The following CNNM2 variants were observed in gnomAD, a reference collection of about 807,000 sequenced individuals.
CNNM2 encodes the protein metal transporter CNNM2.
Under a neutral mutation model 66.9 loss-of-function variants are expected in CNNM2, and 12 were observed. The ratio of observed to expected loss-of-function variants is 0.18; its 90% CI spans 0.11 to 0.29. The LOEUF (loss-of-function observed/expected upper bound fraction) is 0.29. CNNM2 is among the 10% of genes least tolerant of loss of function. The pLI is 1.00. For synonymous variants in CNNM2, 557 were observed against 501.8 expected (o/e 1.11, Z -1.47); for missense variants, 705 against 1,167.7 (o/e 0.60, Z 5.77).
rs1164571881 is a variant in CNNM2 at position 103,034,985 on chromosome 10, A to AT, written c.1622-14722_1622-14721insT. Among the ~76,000 whole-genome samples the AT allele has an allele frequency of 1.1e-4, 16 of 147,714 alleles. 1 individual carries two copies. The highest frequency in any genetic ancestry group is 1.4e-4 in the Admixed American group (2 of 14,672). Reference sequence around the variant, plus strand: ...GAGACTCCGTCTCAAAAAAAAAAAAAAAAAATCTCCTACTATTGGCTGGGC... The same window carrying AT: ...GAGACTCCGTCTCAAAAAAAAAAAAATAAAAATCTCCTACTATTGGCTGGGC... On this transcript the variant is annotated intron_variant, in intron 1 of 7. Transcript: ENST00000369878.
At chr10:102,967,940 G>A (rs986571924) in intron 1 of CNNM2, among the ~76,000 whole-genome samples, 4 of 152,174 alleles carry the variant, frequency 2.6e-5, no homozygotes, top group African/African-American at 7.2e-5. Flanking sequence ...CCTGGGAGGC[G>A]GAGGTGGCAA....
intron 1 of CNNM2, among the ~76,000 whole-genome samples, chr10:102,923,733 G>A (rs1564806867): frequency 6.6e-6 from 1 of 152,148 alleles, no homozygotes; most frequent in South Asian, 2.1e-4. Flanking sequence ...TAAGTCTAAA[G>A]AATTGTGTTG....
chr10:102,922,297 A>C (rs1261833395), intron 1 of CNNM2, among the ~76,000 whole-genome samples: 1 of 151,596 alleles, frequency 6.6e-6, no homozygotes, highest in Non-Finnish European at 1.5e-5. Context: ...AACTATGGGA[A>C]TAATTGATTT....
intron 1 of CNNM2, among the ~76,000 whole-genome samples, chr10:103,041,934 T>C (rs1270743849): frequency 6.6e-6 from 1 of 152,214 alleles, no homozygotes; most frequent in African/African-American, 2.4e-5. Context: ...GGTTTCTGGC[T>C]CTGCTACCAT....
At chr10:103,014,212 C>T (rs1461785854) in intron 1 of CNNM2, among the ~76,000 whole-genome samples, 1 of 152,134 alleles carries the variant, frequency 6.6e-6, no homozygotes, top group Non-Finnish European at 1.5e-5. Context: ...TACCAGGCAG[C>T]ATGCTAAATG....
At position 103,031,619 on chromosome 10, in the gene CNNM2, G is replaced by C. The variant is rs533719968; in HGVS notation, c.1622-18088G>C. On this transcript the variant is annotated intron_variant, in intron 1 of 7. Transcript: ENST00000369878. Reference sequence around the variant, plus strand: ...TTCCACTCACCCGATGTCTTAGCCTGAACATCAGCCTGGTAGAAAGACTTG... The same window carrying C: ...TTCCACTCACCCGATGTCTTAGCCTCAACATCAGCCTGGTAGAAAGACTTG... 2.6e-5 allele frequency among the ~76,000 whole-genome samples: 4 copies of C among 152,288 alleles called. No homozygotes were observed. In the South Asian group the frequency reaches 8.3e-4, roughly 32 times the overall value.
rs2065794015 is a variant in CNNM2 at position 103,085,297 on chromosome 10, C to CT, written c.*8119dup. 2.0e-5 allele frequency: 3 copies of CT among 152,186 alleles called. No homozygotes were observed. The highest frequency in any genetic ancestry group is 4.4e-5 in the Non-Finnish European group (3 of 68,040). 9.4% of individuals were successfully genotyped at this position (152,186 alleles called of 1,614,324 possible). ...TGAGGTCAGTGGGTCCAAAAAGTGACTTGTTTAAAGATACCCACACACTCA... is the reference window on the plus strand; with the variant it reads ...TGAGGTCAGTGGGTCCAAAAAGTGACTTTGTTTAAAGATACCCACACACTCA... On this transcript the variant is annotated 3_prime_UTR_variant, in exon 8 of 8. Transcript: ENST00000369878.
At chr10:103,052,334 TG>T (rs1483165344) in intron 2 of CNNM2, among the ~76,000 whole-genome samples, 1 of 151,880 alleles carries the variant, frequency 6.6e-6, no homozygotes, top group African/African-American at 2.4e-5. Context: ...TATTTCTGTT[TG>T]CCCAGGGGTA....
chr10:102,945,671 G>C (rs1309248580), intron 1 of CNNM2, among the ~76,000 whole-genome samples: 22 of 151,820 alleles, frequency 1.4e-4, no homozygotes, highest in Admixed American at 1.4e-3. Flanking sequence ...CCCTTCCCTT[G>C]TTGTTTTCTC....
chr10:103,024,782 T>A (rs1185830339), intron 1 of CNNM2, among the ~76,000 whole-genome samples: 1 of 152,072 alleles, frequency 6.6e-6, no homozygotes, highest in Non-Finnish European at 1.5e-5. Flanking sequence ...CCGGCCGATA[T>A]TGGCTTTTTA....
chr10:103,040,086 G>C (rs974168895), intron 1 of CNNM2, among the ~76,000 whole-genome samples: 5 of 152,054 alleles, frequency 3.3e-5, no homozygotes, highest in Admixed American at 3.3e-4. Context: ...AGAATCACTT[G>C]AACCTGGGAG....
chr10:103,074,883 G>A (rs1014697607), intron 6 of CNNM2, among the ~76,000 whole-genome samples: 2 of 152,144 alleles, frequency 1.3e-5, no homozygotes, highest in African/African-American at 4.8e-5. Context: ...GGAGATTCTT[G>A]GAGTACTTAT....
At position 103,089,373 on chromosome 10, in the gene CNNM2, C is replaced by T. The variant is rs1016885980; in HGVS notation, c.*12193C>T. 2.7e-5 allele frequency: 8 copies of T among 293,618 alleles called. No individual in the cohort carries two copies. The highest frequency in any genetic ancestry group is 5.3e-5 in the East Asian group (1 of 18,878). 18.2% of individuals were successfully genotyped at this position (293,618 alleles called of 1,614,324 possible). A position where few individuals can be genotyped will look rare whatever the true frequency, so the allele number is the denominator to read the frequency against. On this transcript the variant is annotated 3_prime_UTR_variant, in exon 8 of 8. Transcript: ENST00000369878. ...TCGTGTATCCAGATACACTGACATA[C>T]GGATGATTTTAAAAGTGTCACAAGC...
chr10:103,088,391 T>TTTTA lies in CNNM2; in HGVS notation c.*11215_*11218dup. On this transcript the variant is annotated 3_prime_UTR_variant, in exon 8 of 8. Transcript: ENST00000369878. ...GGTGATTTCGACTTGGGATTGGGAT[T>TTTTA]TTTATTTTTTGAGATGGAGTTTTGT... The TTTTA allele has an allele frequency of 6.6e-6, 1 of 152,330 alleles. No homozygotes were observed. The highest frequency in any genetic ancestry group is 2.1e-4 in the South Asian group (1 of 4,828). The allele number at this position is 152,330 out of a possible 1,614,324, so 9.4% of individuals were successfully genotyped here. A position where few individuals can be genotyped will look rare whatever the true frequency, so the allele number is the denominator to read the frequency against.
chr10:103,051,781 A>G (rs2065217767), intron 2 of CNNM2, among the ~76,000 whole-genome samples: 1 of 152,132 alleles, frequency 6.6e-6, no homozygotes. Flanking sequence ...TGTACCCACA[A>G]AAGAAAAAAT....
In CNNM2 at chr10:102,957,912, G is replaced by A. The variant is rs72847279; in HGVS notation, c.1621+37811G>A. On this transcript the variant is annotated intron_variant, in intron 1 of 7. Coordinates refer to ENST00000369878, the MANE Select transcript of CNNM2 (RefSeq NM_017649.5). ...GCTGTGGGAGAGTTGGAAGTGCTGA[G>A]TTGTGGGATATTTCAGAAGCTCTAC... Among the ~76,000 whole-genome samples, 7,373 of 152,216 alleles carry A rather than the reference G, an allele frequency of 0.048. 182 individuals carry two copies. The highest frequency in any genetic ancestry group is 0.056 in the Non-Finnish European group (3,837 of 68,006).
intron 4 of CNNM2, among the ~76,000 whole-genome samples, chr10:103,060,857 A>G (rs551285097): frequency 6.6e-6 from 1 of 152,312 alleles, no homozygotes; most frequent in East Asian, 1.9e-4. Flanking sequence ...TATTTAATTT[A>G]AAAATAGAGC....
At chr10:102,979,547 C>A (rs1172467805) in intron 1 of CNNM2, among the ~76,000 whole-genome samples, 2 of 152,216 alleles carry the variant, frequency 1.3e-5, no homozygotes, top group African/African-American at 2.4e-5. Context: ...GTACTACTTA[C>A]TACTGAGCAT....
chr10:103,056,367 G>A (rs1197948902), intron 3 of CNNM2, among the ~76,000 whole-genome samples: 1 of 152,110 alleles, frequency 6.6e-6, no homozygotes, highest in East Asian at 1.9e-4. Context: ...GGGAGAGGGA[G>A]ACGTGGGGCA....
Sources: gnomAD v4.1 joint callset for allele counts (sites outside exome capture counted in the v4.1 genomes callset) on GRCh38, gnomAD v4.1.1 for gene constraint, MANE v1.5 for transcripts, NCBI Gene and HGNC (gene_info 2026-07-23, HGNC 2026-07-21) for gene names.